The following SH3RF3 variants were observed in gnomAD, a reference collection of about 807,000 sequenced individuals.
SH3RF3 encodes the protein SH3 domain containing ring finger 3.
A neutral mutation model predicts 66.3 loss-of-function variants in SH3RF3; 29 were observed. The observed-to-expected ratio is 0.44, with a 90% CI of 0.33 to 0.60. SH3RF3 has a LOEUF of 0.60. Ranked by LOEUF, SH3RF3 falls within the 20% of genes least tolerant of loss-of-function variation. The pLI is 0.04. For synonymous variants in SH3RF3, 583 were observed against 532.0 expected (o/e 1.10, Z -1.32); for missense variants, 1,194 against 1,190.9 (o/e 1.00, Z -0.04).
At chr2:109,305,525 G>A (rs536747500) in intron 1 of SH3RF3, among the ~76,000 whole-genome samples, 3 of 152,166 alleles carry the variant, frequency 2.0e-5, no homozygotes, top group Non-Finnish European at 4.4e-5. Context: ...CACTCTGGGC[G>A]CAGAAGTGCT....
intron 8 of SH3RF3, among the ~76,000 whole-genome samples, chr2:109,450,726 A>G (rs566220703): frequency 3.4e-4 from 52 of 152,320 alleles, no homozygotes; most frequent in Admixed American, 3.1e-3. Flanking sequence ...TCCAGGGCTC[A>G]GGGCCCATGC....
intron 1 of SH3RF3, among the ~76,000 whole-genome samples, chr2:109,169,457 T>A (rs1237592304): frequency 6.6e-6 from 1 of 151,978 alleles, no homozygotes. Context: ...GAGGAGGGTG[T>A]TGAATTGTCG....
At chr2:109,321,224 C>T (rs555363676) in intron 1 of SH3RF3, among the ~76,000 whole-genome samples, 1 of 152,204 alleles carries the variant, frequency 6.6e-6, no homozygotes, top group Non-Finnish European at 1.5e-5. Context: ...GAACTCAAAC[C>T]TTATATCCTC....
At chr2:109,319,714 G>A (rs1681977094) in intron 1 of SH3RF3, among the ~76,000 whole-genome samples, 1 of 152,216 alleles carries the variant, frequency 6.6e-6, no homozygotes, top group Non-Finnish European at 1.5e-5. Flanking sequence ...GGAGCCAAAT[G>A]GTGTGGGCAG....
chr2:109,377,115 C>T (rs10196240), intron 3 of SH3RF3, among the ~76,000 whole-genome samples: 58,955 of 152,154 alleles, frequency 0.39, 11,676 homozygotes, highest in African/African-American at 0.45. Flanking sequence ...AGAATTCAAT[C>T]AGAGCTGTAA....
rs544009240 is a variant in SH3RF3, at chr2:109,170,413, T to G, written c.573+40300T>G. On this transcript the variant is annotated intron_variant, in intron 1 of 9. Transcript: ENST00000309415. ...CAGGCTGGAGTGCAGTGGCACAATC[T>G]CGGCTCACTGCAACCTCCGCCTCCC... Among the ~76,000 whole-genome samples, 127 of 152,062 alleles carry G rather than the reference T, an allele frequency of 8.4e-4. 1 individual carries two copies. The highest frequency in any genetic ancestry group is 3.0e-3 in the African/African-American group (123 of 41,466).
intron 8 of SH3RF3, among the ~76,000 whole-genome samples, chr2:109,454,342 C>T (rs372528717): frequency 3.9e-4 from 60 of 152,280 alleles, no homozygotes; most frequent in African/African-American, 1.4e-3. Flanking sequence ...TGGGGTGACC[C>T]GAACCTTCAC....
chr2:109,135,040 C>G (rs55814137), intron 1 of SH3RF3, among the ~76,000 whole-genome samples: 121,746 of 152,242 alleles, frequency 0.8, 49,932 homozygotes, highest in Non-Finnish European at 0.89. Flanking sequence ...CTCTGCTCCT[C>G]TGTTGGCTTC....
chr2:109,329,980 T>G (rs890392549), intron 1 of SH3RF3, among the ~76,000 whole-genome samples: 2 of 152,248 alleles, frequency 1.3e-5, no homozygotes, highest in Admixed American at 6.5e-5. Flanking sequence ...GGTGACAGTT[T>G]GACTAGCATT....
At position 109,484,452 on chromosome 2, in the gene SH3RF3, C is replaced by T. The variant is rs537584880; in HGVS notation, c.2149-6153C>T. On this transcript the variant is annotated intron_variant, in intron 8 of 9. Transcript: ENST00000309415. ...CCGCACCTGCTTTTTGCTAGATTTA[C>T]CTGTTCCACACCTCTGACCACTCCC... is the stretch of plus-strand genomic sequence containing the variant. Among the ~76,000 whole-genome samples the T allele has an allele frequency of 3.3e-5, 5 of 152,264 alleles. No homozygotes were observed. In the South Asian group the frequency reaches 1.0e-3, roughly 32 times the overall value.
intron 1 of SH3RF3, among the ~76,000 whole-genome samples, chr2:109,246,643 G>T (rs182655751): frequency 9.2e-5 from 14 of 152,282 alleles, no homozygotes; most frequent in Admixed American, 7.2e-4. Context: ...CTCCCTGCAC[G>T]TGTCTTATTT....
chr2:109,292,835 C>T (rs962276833), intron 1 of SH3RF3, among the ~76,000 whole-genome samples: 1 of 152,140 alleles, frequency 6.6e-6, no homozygotes. Context: ...CAGGTTAAAG[C>T]GATTCTCTTG....
intron 3 of SH3RF3, among the ~76,000 whole-genome samples, chr2:109,391,086 G>C (rs1675978452): frequency 6.6e-6 from 1 of 152,204 alleles, no homozygotes; most frequent in South Asian, 2.1e-4. Context: ...TCCATAAGAG[G>C]GGGCTGAAAT....
intron 5 of SH3RF3, among the ~76,000 whole-genome samples, chr2:109,431,906 A>G (rs1332632243): frequency 6.6e-6 from 1 of 152,136 alleles, no homozygotes; most frequent in Non-Finnish European, 1.5e-5. Context: ...CCATAGCACA[A>G]TTACTGCAAG....
intron 1 of SH3RF3, among the ~76,000 whole-genome samples, chr2:109,163,015 A>G (rs1008506281): frequency 1.3e-5 from 2 of 152,198 alleles, no homozygotes; most frequent in Non-Finnish European, 2.9e-5. Context: ...TTGGAGGGAA[A>G]AGTCCCCCAA....
chr2:109,407,358 T>C (rs949275072), intron 4 of SH3RF3, among the ~76,000 whole-genome samples: 4 of 152,198 alleles, frequency 2.6e-5, no homozygotes, highest in African/African-American at 7.2e-5. Context: ...GTCTGAGAAG[T>C]AAATGAGGAG....
intron 1 of SH3RF3, among the ~76,000 whole-genome samples, chr2:109,175,073 AT>A (rs1219378880): frequency 6.7e-6 from 1 of 149,202 alleles, no homozygotes; most frequent in Non-Finnish European, 1.5e-5. Flanking sequence ...TATTTAAATG[AT>A]TTTGAGATGC....
intron 8 of SH3RF3, among the ~76,000 whole-genome samples, chr2:109,480,937 G>A (rs1009968283): frequency 4.6e-5 from 7 of 152,182 alleles, no homozygotes; most frequent in African/African-American, 1.7e-4. Context: ...CAGATAAAAG[G>A]CCTGGAGCTC....
At chr2:109,252,620 T>A (rs1225558760) in intron 1 of SH3RF3, among the ~76,000 whole-genome samples, 3 of 152,182 alleles carry the variant, frequency 2.0e-5, no homozygotes, top group Non-Finnish European at 4.4e-5. Context: ...CCATCAATAG[T>A]TGGAAGTATC....
Sources: allele counts gnomAD v4.1 joint callset (sites outside exome capture counted in the v4.1 genomes callset), GRCh38; gene constraint gnomAD v4.1.1; transcripts MANE v1.5; gene names NCBI Gene and HGNC (gene_info 2026-07-23, HGNC 2026-07-21).